Variants in CACNA2D3 observed in about 807,000 individuals in gnomAD.
CACNA2D3 encodes calcium voltage-gated channel auxiliary subunit alpha2delta 3.
In CACNA2D3, 60 loss-of-function variants were observed where a neutral mutation model predicts 160.6. That is an observed-to-expected ratio of 0.37 (90% CI 0.30 to 0.46). The LOEUF (loss-of-function observed/expected upper bound fraction) is 0.46, where lower values mean the gene tolerates loss of function less well. Ranked by LOEUF, CACNA2D3 falls within the 20% of genes least tolerant of loss-of-function variation. CACNA2D3 has a pLI of 1.00. For synonymous variants in CACNA2D3, 558 were observed against 492.9 expected (o/e 1.13, Z -1.75); for missense variants, 1,205 against 1,365.0 (o/e 0.88, Z 1.85).
intron 35 of CACNA2D3, among the ~76,000 whole-genome samples, chr3:55,039,973 A>G (rs1210562607): frequency 1.3e-5 from 2 of 152,206 alleles, no homozygotes; most frequent in Non-Finnish European, 2.9e-5. Context: ...TGTTTAAAAA[A>G]AAAATACCGT....
Position 54,871,206 on chromosome 3 carries a change from C to G in CACNA2D3, c.1627-333C>G, listed in dbSNP as rs778161027. On this transcript the variant is annotated intron_variant, in intron 17 of 37. Coordinates refer to ENST00000474759, the MANE Select transcript of CACNA2D3 (RefSeq NM_018398.3). ...AGACACACACACACACACACACACACACACACACACACACACACCCCCCAT... is the reference window on the plus strand; with the variant it reads ...AGACACACACACACACACACACACAGACACACACACACACACACCCCCCAT... Among the ~76,000 whole-genome samples, 458 of 106,438 alleles carry G rather than the reference C, an allele frequency of 4.3e-3. 4 individuals carry two copies. The highest frequency in any genetic ancestry group is 0.022 in the East Asian group (36 of 1,604). 69.8% of individuals were successfully genotyped at this position (106,438 alleles called of 152,430 possible).
At chr3:54,891,242 GT>G in intron 24 of CACNA2D3, 112 bp from the exon 25 acceptor site, 4 of 543,284 alleles carry the variant, frequency 7.4e-6, no homozygotes, top group Non-Finnish European at 1.3e-5. Flanking sequence ...TTCTTTTAAA[GT>G]TTAAGTTTCA....
chr3:54,493,101 G>T (rs1212884411), intron 4 of CACNA2D3, among the ~76,000 whole-genome samples: 1 of 113,618 alleles, frequency 8.8e-6, no homozygotes, highest in African/African-American at 3.5e-5. Flanking sequence ...TTTTGGAGAC[G>T]GAGTCAGGCT....
intron 2 of CACNA2D3, among the ~76,000 whole-genome samples, chr3:54,248,515 A>G (rs1354897798): frequency 6.6e-6 from 1 of 151,900 alleles, no homozygotes; most frequent in Non-Finnish European, 1.5e-5. Context: ...AAAAAGAAAA[A>G]AAAAGGTGGG....
chr3:54,643,352 C>T (rs772425649), intron 11 of CACNA2D3, among the ~76,000 whole-genome samples: 1 of 152,174 alleles, frequency 6.6e-6, no homozygotes, highest in Non-Finnish European at 1.5e-5. Flanking sequence ...GCCATCTCAC[C>T]TCACCAAGTG....
chr3:54,232,924 A>C (rs1281097287), intron 2 of CACNA2D3, among the ~76,000 whole-genome samples: 1 of 152,174 alleles, frequency 6.6e-6, no homozygotes, highest in Non-Finnish European at 1.5e-5. Flanking sequence ...CTGTACTGTC[A>C]TGATTAGTTT....
intron 12 of CACNA2D3, among the ~76,000 whole-genome samples, chr3:54,755,675 G>C (rs1366158147): frequency 6.6e-6 from 1 of 152,126 alleles, no homozygotes; most frequent in African/African-American, 2.4e-5. Context: ...GTAGATCCCA[G>C]ATTTCCTCTG....
chr3:54,800,231 A>G (rs777299167), intron 13 of CACNA2D3, among the ~76,000 whole-genome samples: 1 of 152,176 alleles, frequency 6.6e-6, no homozygotes, highest in Non-Finnish European at 1.5e-5. Flanking sequence ...GCCGCCTTCG[A>G]TGAATCCCTT....
intron 4 of CACNA2D3, among the ~76,000 whole-genome samples, chr3:54,412,892 G>T (rs761715396): frequency 2.5e-4 from 30 of 121,548 alleles, no homozygotes; most frequent in Non-Finnish European, 4.0e-4. Context: ...TTTTTGTTTT[G>T]CTTTTGATTT....
At chr3:54,641,893 G>T (rs1435596204) in intron 10 of CACNA2D3, among the ~76,000 whole-genome samples, 1 of 152,190 alleles carries the variant, frequency 6.6e-6, no homozygotes, top group Non-Finnish European at 1.5e-5. Flanking sequence ...CAACAGTAAG[G>T]TCTGTTCGGT....
At chr3:54,150,345 A>G (rs776138754) in intron 2 of CACNA2D3, among the ~76,000 whole-genome samples, 3 of 152,234 alleles carry the variant, frequency 2.0e-5, no homozygotes, top group Non-Finnish European at 4.4e-5. Flanking sequence ...AAATATAATG[A>G]AAATGAAAGG....
At chr3:54,340,937 C>G (rs938816297) in intron 3 of CACNA2D3, among the ~76,000 whole-genome samples, 13 of 152,134 alleles carry the variant, frequency 8.5e-5, no homozygotes, top group African/African-American at 3.1e-4. Context: ...CGTCACTGAC[C>G]TGATCTCGTC....
intron 21 of CACNA2D3, among the ~76,000 whole-genome samples, chr3:54,882,840 G>A (rs1699833926): frequency 6.6e-6 from 1 of 152,166 alleles, no homozygotes; most frequent in African/African-American, 2.4e-5. Flanking sequence ...AGGAATAACT[G>A]CCTACAGAAT....
chr3:54,777,388 C>T (rs764127664), intron 13 of CACNA2D3, among the ~76,000 whole-genome samples: 8 of 152,142 alleles, frequency 5.3e-5, no homozygotes, highest in Non-Finnish European at 7.3e-5. Context: ...GACACATGCT[C>T]TTATTAGACG....
intron 35 of CACNA2D3, among the ~76,000 whole-genome samples, chr3:55,051,957 C>T (rs1035580458): frequency 5.3e-5 from 8 of 152,196 alleles, no homozygotes; most frequent in Non-Finnish European, 8.8e-5. Context: ...CCTCGCCCTG[C>T]TTCGCCTCGT....
intron 9 of CACNA2D3, among the ~76,000 whole-genome samples, chr3:54,599,312 C>G (rs1239104821): frequency 6.6e-5 from 10 of 152,290 alleles, no homozygotes; most frequent in African/African-American, 2.4e-4. Flanking sequence ...AAGACTTGCT[C>G]AGAATAAAAA....
intron 11 of CACNA2D3, among the ~76,000 whole-genome samples, chr3:54,658,541 T>C (rs1388682828): frequency 1.3e-5 from 2 of 152,238 alleles, no homozygotes; most frequent in Non-Finnish European, 2.9e-5. Context: ...TTGCTATTTT[T>C]AGGAATCTCT....
intron 35 of CACNA2D3, among the ~76,000 whole-genome samples, chr3:55,033,726 AAT>A (rs1174320569): frequency 8.0e-6 from 1 of 125,006 alleles, no homozygotes; most frequent in Non-Finnish European, 1.6e-5. Context: ...TTATATATTA[AAT>A]ATATTTTATA....
In CACNA2D3 at chr3:54,127,190, A is replaced by T. The variant is rs188069072; in HGVS notation, c.204+3596A>T. Among the ~76,000 whole-genome samples, 486 of 152,366 alleles carry T rather than the reference A, an allele frequency of 3.2e-3. 2 individuals are homozygous for T. The highest frequency in any genetic ancestry group is 0.011 in the African/African-American group (459 of 41,584). On this transcript the variant is annotated intron_variant, in intron 2 of 37. Coordinates refer to ENST00000474759, the MANE Select transcript of CACNA2D3 (RefSeq NM_018398.3). ...TTACATTTTCCAGAATCATGATGAT[A>T]AATACACAACGGAAATACAGGTAAT...
Sources: gnomAD v4.1 joint callset for allele counts (sites outside exome capture counted in the v4.1 genomes callset) on GRCh38, gnomAD v4.1.1 for gene constraint, MANE v1.5 for transcripts, NCBI Gene and HGNC (gene_info 2026-07-23, HGNC 2026-07-21) for gene names.